BCKDHB: variants seen among roughly 807,000 people sequenced by gnomAD.
BCKDHB encodes 2-oxoisovalerate dehydrogenase subunit beta, mitochondrial.
In BCKDHB, 41 loss-of-function variants were observed where a neutral mutation model predicts 48.5. That is an observed-to-expected ratio of 0.85 (90% CI 0.66 to 1.10). The LOEUF (loss-of-function observed/expected upper bound fraction) is 1.10. BCKDHB is among the 50% of genes least tolerant of loss of function. The pLI is 0.00. For synonymous variants in BCKDHB, 201 were observed against 174.8 expected (o/e 1.15, Z -1.18); for missense variants, 496 against 494.2 (o/e 1.00, Z -0.03).
chr6:80,169,951 T>C, intron 5 of BCKDHB: 1 of 1,433,304 alleles, frequency 7.0e-7, no homozygotes, highest in Non-Finnish European at 9.1e-7. Flanking sequence ...ACATTTAATA[T>C]TTATAACATT....
At chr6:80,396,865 T>C in the BCKDHB span, among the ~76,000 whole-genome samples, 33 of 152,324 alleles carry the variant, frequency 2.2e-4, 1 homozygote, top group South Asian at 6.8e-3. Context: ...CTCTTTTCAT[T>C]TTAAATCACC....
intron 3 of BCKDHB, among the ~76,000 whole-genome samples, chr6:80,165,358 A>G (rs1250051081): frequency 6.6e-6 from 1 of 152,210 alleles, no homozygotes; most frequent in African/African-American, 2.4e-5. Flanking sequence ...GATCATGATG[A>G]GTATGAATCA....
intron 6 of BCKDHB, among the ~76,000 whole-genome samples, chr6:80,186,292 G>A (rs1378592487): frequency 6.6e-6 from 1 of 152,148 alleles, no homozygotes; most frequent in African/African-American, 2.4e-5. Flanking sequence ...TGTGGGTGAT[G>A]TTCCGGGGCA....
chr6:80,387,000 C>G, the BCKDHB span, among the ~76,000 whole-genome samples: 1 of 152,064 alleles, frequency 6.6e-6, no homozygotes, highest in African/African-American at 2.4e-5. Flanking sequence ...AAGGAGACCT[C>G]CAGCCTTTTA....
the BCKDHB span, chr6:80,374,171 A>G: frequency 7.0e-6 from 5 of 719,054 alleles, no homozygotes; most frequent in Admixed American, 3.5e-5. Flanking sequence ...TAATCCGACT[A>G]TGAGCTCTGT....
intron 9 of BCKDHB, among the ~76,000 whole-genome samples, chr6:80,313,215 A>T (rs1182300166): frequency 6.6e-6 from 1 of 152,200 alleles, no homozygotes; most frequent in Non-Finnish European, 1.5e-5. Flanking sequence ...TAACGTGCAT[A>T]GAAGTGTTCA....
At chr6:80,221,753 C>G (rs1271345039) in intron 8 of BCKDHB, among the ~76,000 whole-genome samples, 1 of 152,102 alleles carries the variant, frequency 6.6e-6, no homozygotes, top group African/African-American at 2.4e-5. Flanking sequence ...AAAGTATCAA[C>G]TTCATTGTAT....
chr6:80,190,635 T>C (rs1232100078), intron 6 of BCKDHB, among the ~76,000 whole-genome samples: 2 of 152,234 alleles, frequency 1.3e-5, no homozygotes, highest in Admixed American at 6.5e-5. Context: ...TTCTCATTAT[T>C]GTTAATATAT....
chr6:80,295,675 A>G (rs1767198379), intron 9 of BCKDHB, among the ~76,000 whole-genome samples: 1 of 152,106 alleles, frequency 6.6e-6, no homozygotes, highest in African/African-American at 2.4e-5. Flanking sequence ...GTATATTGTC[A>G]TAAGTTAAGA....
At chr6:80,252,818 G>A (rs566798509) in intron 8 of BCKDHB, among the ~76,000 whole-genome samples, 1 of 152,244 alleles carries the variant, frequency 6.6e-6, no homozygotes, top group East Asian at 1.9e-4. Flanking sequence ...TAATTGGACT[G>A]TTACAACCTA....
chr6:80,361,664 A>G, the BCKDHB span, among the ~76,000 whole-genome samples: 8 of 152,330 alleles, frequency 5.3e-5, no homozygotes, highest in East Asian at 1.5e-3. Context: ...CCTCTGCTTC[A>G]GCAAAATTCT....
intron 9 of BCKDHB, among the ~76,000 whole-genome samples, chr6:80,308,699 A>C (rs1481822460): frequency 1.3e-5 from 2 of 149,342 alleles, no homozygotes; most frequent in Admixed American, 6.8e-5. Context: ...GGTTCACGCC[A>C]TTCTCCTGCC....
the BCKDHB span, among the ~76,000 whole-genome samples, chr6:80,401,216 A>G: frequency 5.3e-5 from 8 of 151,962 alleles, no homozygotes; most frequent in East Asian, 1.4e-3. Flanking sequence ...AAACTAATAT[A>G]AAAGATTTTT....
At chr6:80,387,893 C>G in the BCKDHB span, among the ~76,000 whole-genome samples, 1 of 152,226 alleles carries the variant, frequency 6.6e-6, no homozygotes, top group Non-Finnish European at 1.5e-5. Context: ...AGCAAACACA[C>G]TGGACTTATT....
chr6:80,285,224 A>G (rs1232512825), intron 9 of BCKDHB, among the ~76,000 whole-genome samples: 2 of 152,138 alleles, frequency 1.3e-5, no homozygotes, highest in Admixed American at 6.5e-5. Flanking sequence ...ATATTCCAAC[A>G]TCGCACAATT....
intron 9 of BCKDHB, among the ~76,000 whole-genome samples, chr6:80,336,306 A>G (rs956127932): frequency 3.3e-5 from 5 of 151,836 alleles, no homozygotes; most frequent in Non-Finnish European, 5.9e-5. Flanking sequence ...TGTTAATACC[A>G]TTCTCCAACT....
rs190720043 is a variant in BCKDHB, at chr6:80,173,837, C to G, written c.742+2447C>G. ...TTTTTTGGATCTTCTGACCCTGATT[C>G]TGTAATTTTCTAGCCCTGTGTCTCA... On this transcript the variant is annotated intron_variant, in intron 6 of 9. Coordinates refer to ENST00000320393, the MANE Select transcript of BCKDHB (RefSeq NM_183050.4). Among the ~76,000 whole-genome samples, 353 of 139,184 alleles carry G rather than the reference C, an allele frequency of 2.5e-3. 1 individual carries two copies. Among genetic ancestry groups the G allele is most frequent in the South Asian group, 0.013 (60 of 4,458 alleles). The allele number at this position is 139,184 out of a possible 152,430, so 91.3% of individuals were successfully genotyped here.
intron 1 of BCKDHB, among the ~76,000 whole-genome samples, chr6:80,125,783 T>A (rs1582188007): frequency 6.6e-6 from 1 of 152,110 alleles, no homozygotes; most frequent in Non-Finnish European, 1.5e-5. Flanking sequence ...CAGAAGGCTG[T>A]GGCACCCCAA....
intron 7 of BCKDHB, among the ~76,000 whole-genome samples, chr6:80,202,284 G>A (rs1181257140): frequency 6.6e-6 from 1 of 152,070 alleles, no homozygotes; most frequent in Admixed American, 6.6e-5. Flanking sequence ...CTCCAGGACT[G>A]TAGTCTATTA....
Sources: allele counts gnomAD v4.1 joint callset (sites outside exome capture counted in the v4.1 genomes callset), GRCh38; gene constraint gnomAD v4.1.1; transcripts MANE v1.5; gene names NCBI Gene and HGNC (gene_info 2026-07-23, HGNC 2026-07-21).